Variants in DEGS2 observed in about 807,000 individuals in gnomAD.
The protein encoded by DEGS2 is sphingolipid delta(4)-desaturase/C4-monooxygenase DES2.
A neutral mutation model predicts 23.8 loss-of-function variants in DEGS2; 19 were observed. That is an observed-to-expected ratio of 0.80 (90% CI 0.56 to 1.17). The LOEUF (loss-of-function observed/expected upper bound fraction) is 1.17. Among genes scored for constraint, DEGS2 ranks in the 50% most tolerant of loss-of-function variants. DEGS2 has a pLI of 0.00. For synonymous variants in DEGS2, 218 were observed against 213.7 expected, an observed-to-expected ratio of 1.02 and a Z score of -0.18; for missense variants, 390 against 459.5, an observed-to-expected ratio of 0.85 and a Z score of 1.38.
Position 100,146,545 on chromosome 14 carries a change from G to A in DEGS2, c.*216C>T. ...GCCAGGCCTCACCTGGGGAGGCCCA[G>A]AAAGGGAGGGCCACACTCAAGGTCC... On this transcript the variant is annotated 3_prime_UTR_variant, in exon 3 of 3. Coordinates refer to ENST00000305631, the MANE Select transcript of DEGS2 (RefSeq NM_206918.3). The A allele has an allele frequency of 1.6e-6, 1 of 622,390 alleles. No homozygotes were observed. The highest frequency in any genetic ancestry group is 2.7e-6 in the Non-Finnish European group (1 of 375,668). 38.6% of individuals were successfully genotyped at this position (622,390 alleles called of 1,614,324 possible).
At chr14:100,161,333 G>T (rs975025849), upstream of DEGS2, among the ~76,000 whole-genome samples, 5 of 152,162 alleles carry the variant, frequency 3.3e-5, no homozygotes, top group African/African-American at 1.2e-4. Flanking sequence ...CCAGAGAGGG[G>T]ACAAGTCAGA....
intron 1 of DEGS2, among the ~76,000 whole-genome samples, chr14:100,157,832 A>G (rs1409241902): frequency 6.6e-6 from 1 of 152,198 alleles, no homozygotes; most frequent in African/African-American, 2.4e-5. Context: ...TCACACCTGT[A>G]ATCCCAACAG....
chr14:100,160,708 A>G (rs779014480), upstream of DEGS2, among the ~76,000 whole-genome samples: 1 of 152,188 alleles, frequency 6.6e-6, no homozygotes, highest in Non-Finnish European at 1.5e-5. Context: ...TGTGCGTCCC[A>G]TGGAAGTCCA....
At chr14:100,147,059 G>T in intron 2 of DEGS2, 152 bp from the exon 3 acceptor site, 1 of 892,958 alleles carries the variant, frequency 1.1e-6, no homozygotes, top group Non-Finnish European at 1.7e-6. Flanking sequence ...ACACACACAT[G>T]GGTGTACATA....
At chr14:100,154,404 G>A (rs1889625531) in intron 1 of DEGS2, among the ~76,000 whole-genome samples, 1 of 151,118 alleles carries the variant, frequency 6.6e-6, no homozygotes, top group Non-Finnish European at 1.5e-5. Context: ...GGCTCAGTCA[G>A]ACTCCTGTGT....
the DEGS2 span, among the ~76,000 whole-genome samples, chr14:100,166,507 C>T: frequency 2.0e-5 from 3 of 152,142 alleles, no homozygotes; most frequent in East Asian, 5.8e-4. Flanking sequence ...AGCACTCTAT[C>T]CCTGCCCTTC....
chr14:100,149,324 C>A lies in DEGS2; in HGVS notation c.469G>T (p.Ala157Ser), dbSNP rs745522731. 6.2e-7 allele frequency: 1 copy of A among 1,611,504 alleles called. No homozygotes were observed. Among genetic ancestry groups the A allele is most frequent in the East Asian group, 2.2e-5 (1 of 44,852 alleles). Residue 157 changes from alanine (A) to serine (S), a missense_variant, in exon 2 of 3, where the codon GCC (alanine) becomes TCC (serine). Ala to Ser is a moderately conservative substitution (Grantham distance 99, BLOSUM62 1). Transcript: ENST00000305631. ...AGCACCAGCCAGAGCAGCTTGCGGG[C>A]GGGTGTGCAGAAGAACCAGCCCTCC... The part of the protein sequence containing the change: ...RLEGWFFCTP[A>S]RKLLWLVLQP...
In DEGS2 at chr14:100,146,873, A is replaced by C; in HGVS notation, c.860T>G (p.Leu287Arg). Residue 287 changes from leucine to arginine, a missense_variant, in exon 3 of 3, where the codon CTG becomes CGG. Coordinates refer to ENST00000305631, the MANE Select transcript of DEGS2 (RefSeq NM_206918.3). ...RKIAPEYYDH[L>R]PQHHSWVKVL... ...CTTCACCCAGGAGTGGTGCTGCGGC[A>C]GGTGGTCGTAGTACTCGGGCGCGAT... 5.6e-6 allele frequency: 9 copies of C among 1,613,592 alleles called. No homozygotes were observed. Among genetic ancestry groups the C allele is most frequent in the Non-Finnish European group, 7.6e-6 (9 of 1,179,862 alleles).
chr14:100,149,685 C>T lies in DEGS2; in HGVS notation c.108G>A (p.Leu36=). 6.2e-7 allele frequency: 1 copy of T among 1,607,108 alleles called. No individual in the cohort carries two copies. The highest frequency in any genetic ancestry group is 8.5e-7 in the Non-Finnish European group (1 of 1,176,748). The change falls in exon 2 of 3, where the codon CTG becomes CTA. Residue 36 remains leucine (L), a synonymous_variant. Coordinates refer to ENST00000305631, the MANE Select transcript of DEGS2 (RefSeq NM_206918.3). ...ILAKYPAIKA[L]MRPDPRLKWA... ...ACTTGAGGCGCGGGTCTGGCCGCAT[C>T]AGGGCCTTGATGGCCGGGTACTTGG...
chr14:100,164,832 C>T, the DEGS2 span, among the ~76,000 whole-genome samples: 1 of 152,168 alleles, frequency 6.6e-6, no homozygotes, highest in Non-Finnish European at 1.5e-5. Context: ...GAGTAGTGAA[C>T]ATGTGTGGCC....
At position 100,148,956 on chromosome 14, in the gene DEGS2, C is replaced by T. The variant is rs1178762445; in HGVS notation, c.825+12G>A. ...CCTGCCCCGCCGCAGCCCTGCCAGC[C>T]CAGCCACATACCAGCGGCAGGTTGT... On this transcript the variant is annotated intron_variant, in intron 2 of 2. Transcript: ENST00000305631. 3.1e-6 allele frequency: 5 copies of T among 1,609,370 alleles called. No homozygotes were observed. The highest frequency in any genetic ancestry group is 3.4e-6 in the Non-Finnish European group (4 of 1,177,714).
chr14:100,148,916 C>T (rs960482294), intron 2 of DEGS2, 52 bp downstream of exon 2: 45 of 1,567,236 alleles, frequency 2.9e-5, no homozygotes, highest in East Asian at 1.6e-4. Context: ...CCACCTCCTC[C>T]GATGGCTGTG....
intron 1 of DEGS2, 68 bp from the exon 2 acceptor site, chr14:100,149,778 A>G: frequency 6.7e-7 from 1 of 1,484,838 alleles, no homozygotes; most frequent in Non-Finnish European, 9.1e-7. Context: ...CTCCGCTCCC[A>G]CTGCAGTGGC....
intron 1 of DEGS2, among the ~76,000 whole-genome samples, chr14:100,159,139 C>T (rs1301625290): frequency 1.3e-5 from 2 of 152,012 alleles, no homozygotes; most frequent in African/African-American, 4.8e-5. Context: ...TGCCTCCGCG[C>T]CAGGGAGCGC....
At chr14:100,166,656 C>T in the DEGS2 span, among the ~76,000 whole-genome samples, 1 of 152,098 alleles carries the variant, frequency 6.6e-6, no homozygotes, top group Non-Finnish European at 1.5e-5. Context: ...GTCATTCTCC[C>T]GCAGCGGCTG....
the DEGS2 span, among the ~76,000 whole-genome samples, chr14:100,165,968 GGAGCC>G: frequency 9.6e-6 from 1 of 104,364 alleles, no homozygotes; most frequent in South Asian, 3.9e-4. Flanking sequence ...GAGAGTGGGG[GGAGCC>G]TGTCTGGGGG....
upstream of DEGS2, chr14:100,159,774 A>G (rs1376118623): frequency 2.9e-6 from 1 of 339,792 alleles, no homozygotes; most frequent in Non-Finnish European, 5.3e-6. Context: ...GGCGCTCTCC[A>G]GACCCCGGCG....
At chr14:100,148,533 C>CTT (rs1889498593) in intron 2 of DEGS2, among the ~76,000 whole-genome samples, 4 of 152,240 alleles carry the variant, frequency 2.6e-5, no homozygotes, top group Admixed American at 1.3e-4. Flanking sequence ...TCAGCTCTGC[C>CTT]CAAGCCCCTT....
rs200284936 is a variant in DEGS2 at position 100,149,746 on chromosome 14, G to A, written c.83-36C>T. ...GACAGGGAGGTATGAGGCCCCGCTCGGTGGGGCTGCACCCCGCCCTCCTCC... is the reference window on the plus strand; with the variant it reads ...GACAGGGAGGTATGAGGCCCCGCTCAGTGGGGCTGCACCCCGCCCTCCTCC... On this transcript the variant is annotated intron_variant, in intron 1 of 2. Transcript: ENST00000305631. The A allele has an allele frequency of 7.2e-5, 112 of 1,554,904 alleles. 1 individual carries two copies. The highest frequency in any genetic ancestry group is 7.0e-4 in the East Asian group (31 of 44,338).
Sources: allele counts gnomAD v4.1 joint callset (sites outside exome capture counted in the v4.1 genomes callset), GRCh38; gene constraint gnomAD v4.1.1; transcripts MANE v1.5; gene names NCBI Gene and HGNC (gene_info 2026-07-23, HGNC 2026-07-21).